The following DNMT3A variants were observed in gnomAD, a reference collection of about 807,000 sequenced individuals.
DNMT3A encodes the protein DNA methyltransferase 3 alpha, also known as DNA (cytosine-5)-methyltransferase 3A.
In DNMT3A, 267 loss-of-function variants were observed where a neutral mutation model predicts 117.6. The ratio of observed to expected loss-of-function variants is 2.27; its 90% confidence interval spans 2.05 to 2.51. The LOEUF (loss-of-function observed/expected upper bound fraction) is 2.51. DNMT3A is among the 30% of genes most tolerant of loss of function. The pLI, the probability that DNMT3A is intolerant of heterozygous loss-of-function variation, is 0.00. For synonymous variants in DNMT3A, 432 were observed against 474.8 expected, an observed-to-expected ratio of 0.91 and a Z score of 1.17; for missense variants, 1,029 against 1,260.2, an observed-to-expected ratio of 0.82 and a Z score of 2.78.
Position 25,296,193 on chromosome 2 carries a change from CA to C in DNMT3A, c.177+3945del, listed in dbSNP as rs549626150. Among the ~76,000 whole-genome samples, 9 of 152,272 alleles carry C rather than the reference CA, an allele frequency of 5.9e-5. No individual in the cohort carries two copies. In the South Asian group the frequency reaches 1.9e-3, roughly 32 times the overall value. ...CGGTGGGCTTGGAACTTGTCTTTATCAGTTCATTTTTATTAACTTTGGAGAC... is the reference window on the plus strand; with the variant it reads ...CGGTGGGCTTGGAACTTGTCTTTATCGTTCATTTTTATTAACTTTGGAGAC... On this transcript the variant is annotated intron_variant, in intron 3 of 22. Transcript: ENST00000321117. The surrounding 1 kb of genome is among the most constrained non-coding windows in gnomAD (Gnocchi z 4.2).
chr2:25,319,324 T>C (rs926811309), intron 1 of DNMT3A, among the ~76,000 whole-genome samples: 1 of 151,816 alleles, frequency 6.6e-6, no homozygotes, highest in African/African-American at 2.4e-5. Flanking sequence ...TCTTTTTTTT[T>C]TCTTAAATAG....
At chr2:25,274,106 C>A (rs934805498) in intron 6 of DNMT3A, among the ~76,000 whole-genome samples, 1 of 152,196 alleles carries the variant, frequency 6.6e-6, no homozygotes, top group Admixed American at 6.5e-5. Context: ...GCCCTCAATT[C>A]CCACCTGTCC....
chr2:25,258,184 A>G (rs1425685476), intron 6 of DNMT3A, among the ~76,000 whole-genome samples: 1 of 152,240 alleles, frequency 6.6e-6, no homozygotes, highest in Non-Finnish European at 1.5e-5. Flanking sequence ...GATTTGGGCT[A>G]AAAGAGAAAT....
At chr2:25,243,753 A>C in intron 16 of DNMT3A, 145 bp downstream of exon 16, 1 of 949,554 alleles carries the variant, frequency 1.1e-6, no homozygotes, top group South Asian at 1.5e-5. Context: ...ATACGTTTCC[A>C]CTTCACACAC....
At position 25,313,671 on chromosome 2, in the gene DNMT3A, C is replaced by T. The variant is rs759205279; in HGVS notation, c.72+242G>A. The stretch of plus-strand genomic sequence containing the variant: ...CAGACCTGGGCTTTGAGCCACTGTG[C>T]GAATGCCATGGTGGTTAAAAGCCTG... On this transcript the variant is annotated intron_variant, in intron 2 of 22. Coordinates refer to ENST00000321117, the MANE Select transcript of DNMT3A (RefSeq NM_022552.5). 4.6e-5 allele frequency among the ~76,000 whole-genome samples: 7 copies of T among 152,276 alleles called. No homozygotes were observed. In the East Asian group the frequency reaches 5.8e-4, roughly 13 times the overall value.
rs79501006 is a variant in DNMT3A, at chr2:25,240,119, G to A, written c.2322+183C>T. Among the ~76,000 whole-genome samples the A allele has an allele frequency of 0.049, 7,413 of 152,236 alleles. 267 individuals carry two copies. Among genetic ancestry groups the A allele is most frequent in the Non-Finnish European group, 0.078 (5,285 of 68,014 alleles). ...TAGAGTGAGACCACTGGTTCTTTCCGAGGTAGGCCTCTAACCCTGCTTCCT... is the reference window on the plus strand; with the variant it reads ...TAGAGTGAGACCACTGGTTCTTTCCAAGGTAGGCCTCTAACCCTGCTTCCT... On this transcript the variant is annotated intron_variant, in intron 19 of 22. Coordinates refer to ENST00000321117, the MANE Select transcript of DNMT3A (RefSeq NM_022552.5).
At chr2:25,322,415 G>A (rs2149438643) in intron 1 of DNMT3A, among the ~76,000 whole-genome samples, 1 of 152,002 alleles carries the variant, frequency 6.6e-6, no homozygotes, top group East Asian at 1.9e-4. Flanking sequence ...CCCACACAGA[G>A]TTCCATCACC....
chr2:25,306,578 T>G lies in DNMT3A; in HGVS notation c.73-6335A>C, dbSNP rs1251946394. Among the ~76,000 whole-genome samples the G allele has an allele frequency of 6.6e-6, 1 of 152,116 alleles. No individual in the cohort carries two copies. The highest frequency in any genetic ancestry group is 2.4e-5 in the African/African-American group (1 of 41,434). ...GCTGACAACGGTGGTGCCCATCTGGTTCCCAGGCCCTCGTGCCAGGGCTGC... is the reference window on the plus strand; with the variant it reads ...GCTGACAACGGTGGTGCCCATCTGGGTCCCAGGCCCTCGTGCCAGGGCTGC... On this transcript the variant is annotated intron_variant, in intron 2 of 22. Coordinates refer to ENST00000321117, the MANE Select transcript of DNMT3A (RefSeq NM_022552.5). This position sits in a 1 kb window ranked among gnomAD's most constrained non-coding sequence, Gnocchi z 4.1.
chr2:25,239,474 AG>A, intron 19 of DNMT3A: 1 of 606,788 alleles, frequency 1.6e-6, no homozygotes, highest in South Asian at 1.5e-5. Context: ...TGTTCAATTC[AG>A]TGGCCACTAG....
chr2:25,326,090 T>C (rs1266725073), intron 1 of DNMT3A, among the ~76,000 whole-genome samples: 1 of 148,462 alleles, frequency 6.7e-6, no homozygotes, highest in Non-Finnish European at 1.5e-5. Flanking sequence ...TTGCACATTT[T>C]CTATTAACTT....
At chr2:25,272,711 C>G (rs189563917) in intron 6 of DNMT3A, among the ~76,000 whole-genome samples, 6 of 152,166 alleles carry the variant, frequency 3.9e-5, no homozygotes, top group African/African-American at 1.4e-4. Context: ...TTTCTCCGGG[C>G]TCTTCCGGGA....
At chr2:25,283,690 T>C (rs1227064943) in intron 3 of DNMT3A, among the ~76,000 whole-genome samples, 1 of 152,220 alleles carries the variant, frequency 6.6e-6, no homozygotes, top group Non-Finnish European at 1.5e-5. Context: ...TCCTGAGCAC[T>C]GGGGTCTCTC....
intron 6 of DNMT3A, among the ~76,000 whole-genome samples, chr2:25,256,461 A>G (rs1676149688): frequency 6.6e-6 from 1 of 152,178 alleles, no homozygotes; most frequent in South Asian, 2.1e-4. Context: ...CTAGCCTTGC[A>G]CTGTCCAGGA....
chr2:25,293,257 C>A lies in DNMT3A; in HGVS notation c.177+6882G>T, dbSNP rs996803000. ...ATTCTGCCCCGCCACTGCCACCCCC[C>A]ACAGGCCCTGGGACTTTGCTGGCGC... On this transcript the variant is annotated intron_variant, in intron 3 of 22. Coordinates refer to ENST00000321117, the MANE Select transcript of DNMT3A (RefSeq NM_022552.5). The surrounding 1 kb of genome is among the most constrained non-coding windows in gnomAD (Gnocchi z 4.7). 6.6e-6 allele frequency among the ~76,000 whole-genome samples: 1 copy of A among 152,208 alleles called. No individual in the cohort carries two copies. The highest frequency in any genetic ancestry group is 1.5e-5 in the Non-Finnish European group (1 of 68,046).
Position 25,314,108 on chromosome 2 carries a change from C to T in DNMT3A, c.-124G>A, listed in dbSNP as rs1275365486. The T allele has an allele frequency of 2.1e-6, 3 of 1,431,790 alleles. No individual in the cohort carries two copies. The highest frequency in any genetic ancestry group is 2.9e-5 in the African/African-American group (2 of 69,476). The allele number at this position is 1,431,790 out of a possible 1,614,324, so 88.7% of individuals were successfully genotyped here. On this transcript the variant is annotated 5_prime_UTR_variant, in exon 2 of 23. Transcript: ENST00000321117. ...TAAACATAGATCCCGGTGTTGAGCC[C>T]TCTGGTGAACGGTGCCTCTGTCAGC...
At chr2:25,309,925 G>A (rs190115781) in intron 2 of DNMT3A, among the ~76,000 whole-genome samples, 3 of 152,120 alleles carry the variant, frequency 2.0e-5, no homozygotes, top group East Asian at 3.9e-4. Flanking sequence ...TGGGCATGGC[G>A]GGCGCCTGTA....
intron 4 of DNMT3A, among the ~76,000 whole-genome samples, chr2:25,278,652 C>T (rs2031650610): frequency 6.6e-6 from 1 of 152,136 alleles, no homozygotes; most frequent in South Asian, 2.1e-4. Flanking sequence ...ATGGCGAAAC[C>T]CTGTCTCTAC....
At chr2:25,320,889 T>G (rs1339935913) in intron 1 of DNMT3A, among the ~76,000 whole-genome samples, 1 of 152,136 alleles carries the variant, frequency 6.6e-6, no homozygotes, top group Non-Finnish European at 1.5e-5. Flanking sequence ...CCCAGCACTT[T>G]GGGAGGCCGA....
chr2:25,307,710 T>C (rs571827744), intron 2 of DNMT3A, among the ~76,000 whole-genome samples: 299 of 152,262 alleles, frequency 2.0e-3, no homozygotes, highest in African/African-American at 6.9e-3. Context: ...AAGTGATCCA[T>C]CTGCCTTGGC....
Sources: gnomAD v4.1 joint callset for allele counts (sites outside exome capture counted in the v4.1 genomes callset) on GRCh38, gnomAD v4.1.1 for gene constraint, Gnocchi (gnomAD v3.1) non-coding constraint, MANE v1.5 for transcripts, NCBI Gene and HGNC (gene_info 2026-07-23, HGNC 2026-07-21) for gene names.